The following SLC35F2 variants were observed in gnomAD, a reference collection of about 807,000 sequenced individuals.
SLC35F2 encodes the protein solute carrier family 35 member F2.
SLC35F2 carries 25 observed loss-of-function variants against 38.1 expected under a neutral mutation model. That is an observed-to-expected ratio of 0.66 (90% CI 0.48 to 0.92). The LOEUF is 0.92. Among genes scored for constraint, SLC35F2 ranks in the 40% least tolerant of loss-of-function variants. The probability of loss-of-function intolerance (pLI) is 0.00; values close to 1 mark genes in which losing one functional copy is unlikely to be tolerated. For synonymous variants in SLC35F2, 173 were observed against 181.7 expected, an observed-to-expected ratio of 0.95 and a Z score of 0.38; for missense variants, 409 against 452.9, an observed-to-expected ratio of 0.90 and a Z score of 0.88.
At position 107,823,164 on chromosome 11, in the gene SLC35F2, C is replaced by T. The variant is rs913540302; in HGVS notation, c.111-7199G>A. 3.0e-6 allele frequency: 3 copies of T among 985,186 alleles called. No individual in the cohort carries two copies. The African/African-American group carries it at 5.2e-5, about 17-fold the overall frequency. 61.0% of individuals were successfully genotyped at this position (985,186 alleles called of 1,614,324 possible). On this transcript the variant is annotated intron_variant, in intron 1 of 7. Coordinates refer to ENST00000525815, the MANE Select transcript of SLC35F2 (RefSeq NM_017515.5). Reference sequence around the variant, plus strand: ...GCCCAAACCAGTTGGATCAGATTCTCAGAGGGTAGATTCCAAGTATCAGCC... The same window carrying T: ...GCCCAAACCAGTTGGATCAGATTCTTAGAGGGTAGATTCCAAGTATCAGCC...
intron 2 of SLC35F2, 123 bp from the exon 3 acceptor site, chr11:107,811,917 T>G (rs1254746302): frequency 1.1e-6 from 1 of 913,742 alleles, no homozygotes; most frequent in African/African-American, 1.7e-5. Context: ...TCTTCTTCTT[T>G]TTGAGATAGG....
Position 107,791,576 on chromosome 11 carries a change from A to G in SLC35F2, c.*1039T>C, listed in dbSNP as rs893167710. On this transcript the variant is annotated 3_prime_UTR_variant, in exon 8 of 8. Transcript: ENST00000525815. ...GAATGAGTGATGGAGAAATGTTTTA[A>G]ACAAACAAACAAACAGGCCAGGCAC... 6.6e-6 allele frequency: 1 copy of G among 152,114 alleles called. No individual in the cohort carries two copies. The highest frequency in any genetic ancestry group is 1.5e-5 in the Non-Finnish European group (1 of 68,040). The allele number at this position is 152,114 out of a possible 1,614,324, so 9.4% of individuals were successfully genotyped here. A position where few individuals can be genotyped will look rare whatever the true frequency, so the allele number is the denominator to read the frequency against.
rs547193204 is a variant in SLC35F2 at position 107,792,715 on chromosome 11, G to C, written c.1025C>G (p.Pro342Arg). ...YCSTPTRTAE[P>R]AESSVPPVTS... ...GACTGGAGGCACGCTGCTTTCAGCCGGCTCGGCCGTGCGAGTAGGGGTGGA... is the reference window on the plus strand; with the variant it reads ...GACTGGAGGCACGCTGCTTTCAGCCCGCTCGGCCGTGCGAGTAGGGGTGGA... Residue 342 changes from proline (P) to arginine (R), a missense_variant, in exon 8 of 8, where the codon CCG becomes CGG. Physicochemically the swap from Pro to Arg is moderately radical, Grantham distance 103 (BLOSUM62 -2). Transcript: ENST00000525815. 1 of 1,613,922 alleles carries C rather than the reference G, an allele frequency of 6.2e-7. No individual in the cohort carries two copies. The highest frequency in any genetic ancestry group is 2.2e-5 in the East Asian group (1 of 44,846).
At chr11:107,851,463 CA>C (rs1177344945) in intron 1 of SLC35F2, among the ~76,000 whole-genome samples, 3 of 89,740 alleles carry the variant, frequency 3.3e-5, no homozygotes. Flanking sequence ...AACTCCGTCT[CA>C]AAAAAAATAA....
At chr11:107,798,257 G>A (rs1179209708) in intron 7 of SLC35F2, among the ~76,000 whole-genome samples, 3 of 152,166 alleles carry the variant, frequency 2.0e-5, no homozygotes, top group Non-Finnish European at 4.4e-5. Context: ...ACTCACCTCA[G>A]TCTCCCAAAG....
rs138134535 is a variant in SLC35F2, at chr11:107,797,788, AAAACCAATAATAATGTC to A, written c.940-5005_940-4989del. ...TGCTTCCTGGATTAAATGATAATGC[AAAACCAATAATAATGTC>A]AAGCTAAGCAGACAACTATAATTTC... On this transcript the variant is annotated intron_variant, in intron 7 of 7. Transcript: ENST00000525815. Among the ~76,000 whole-genome samples, 290 of 152,288 alleles carry A rather than the reference AAAACCAATAATAATGTC, an allele frequency of 1.9e-3. 5 individuals carry two copies. The East Asian group carries it at 0.044, about 23-fold the overall frequency.
chr11:107,848,231 G>A (rs966014075), intron 1 of SLC35F2, among the ~76,000 whole-genome samples: 8 of 151,894 alleles, frequency 5.3e-5, no homozygotes, highest in Admixed American at 4.6e-4. Flanking sequence ...CAATAAAAAA[G>A]AAAACTTAAA....
intron 5 of SLC35F2, chr11:107,804,975 G>T (rs1465208988): frequency 2.2e-6 from 2 of 897,120 alleles, no homozygotes; most frequent in South Asian, 5.1e-5. Flanking sequence ...CTCCCTTACA[G>T]GTGCTCTGAA....
At chr11:107,852,893 A>T (rs1159218940) in intron 1 of SLC35F2, among the ~76,000 whole-genome samples, 3 of 134,646 alleles carry the variant, frequency 2.2e-5, no homozygotes, top group Admixed American at 7.2e-5. Context: ...AAAAAAAAAA[A>T]TTTAGCCAGG....
chr11:107,855,372 G>A (rs1382450448), intron 1 of SLC35F2, among the ~76,000 whole-genome samples: 2 of 152,178 alleles, frequency 1.3e-5, no homozygotes, highest in East Asian at 3.8e-4. Context: ...CTTCGTCCAT[G>A]GCCAGGCGTG....
At chr11:107,812,142 G>C (rs749869556) in intron 2 of SLC35F2, among the ~76,000 whole-genome samples, 15 of 152,246 alleles carry the variant, frequency 9.9e-5, no homozygotes, top group Admixed American at 2.0e-4. Flanking sequence ...CTGAGCTCAA[G>C]TGATCTGCCT....
At chr11:107,799,866 GC>G (rs749060893) in intron 7 of SLC35F2, among the ~76,000 whole-genome samples, 58 of 144,266 alleles carry the variant, frequency 4.0e-4, no homozygotes, top group Non-Finnish European at 3.6e-4. Context: ...GCACACTTTG[GC>G]TTTTTTTTTG....
chr11:107,831,463 G>A (rs142014434), intron 1 of SLC35F2, among the ~76,000 whole-genome samples: 176 of 152,172 alleles, frequency 1.2e-3, no homozygotes, highest in African/African-American at 4.0e-3. Context: ...GGCCTCAGGC[G>A]ATCCTCATGC....
intron 1 of SLC35F2, among the ~76,000 whole-genome samples, chr11:107,831,393 A>T (rs1349193941): frequency 2.0e-5 from 3 of 152,184 alleles, no homozygotes; most frequent in Admixed American, 6.6e-5. Context: ...GCTAATTTTT[A>T]AAATTTTGGT....
chr11:107,838,751 C>T (rs1196288640), intron 1 of SLC35F2, among the ~76,000 whole-genome samples: 1 of 151,818 alleles, frequency 6.6e-6, no homozygotes, highest in Non-Finnish European at 1.5e-5. Flanking sequence ...GCCTCAGCCT[C>T]CCAAGTAGCT....
chr11:107,829,031 C>A (rs1859795400), intron 1 of SLC35F2, among the ~76,000 whole-genome samples: 1 of 151,296 alleles, frequency 6.6e-6, no homozygotes, highest in African/African-American at 2.4e-5. Flanking sequence ...TTGCTTGAAC[C>A]TGGCAGGAGG....
intron 7 of SLC35F2, among the ~76,000 whole-genome samples, chr11:107,798,240 G>C (rs11212379): frequency 0.065 from 9,913 of 152,176 alleles, 668 homozygotes; most frequent in African/African-American, 0.17. Flanking sequence ...CTGAACTAAA[G>C]TGACCCACTC....
chr11:107,803,992 A>ATT (rs71047624), intron 6 of SLC35F2, among the ~76,000 whole-genome samples: 58 of 135,812 alleles, frequency 4.3e-4, no homozygotes, highest in East Asian at 3.5e-3. Context: ...TGCCCGGATA[A>ATT]TTTTTTTTTT....
intron 1 of SLC35F2, among the ~76,000 whole-genome samples, chr11:107,834,149 G>A (rs1859893586): frequency 6.6e-6 from 1 of 152,186 alleles, no homozygotes; most frequent in Non-Finnish European, 1.5e-5. Flanking sequence ...AAGGGGATTG[G>A]GTAAGGAGCC....
Sources: allele counts gnomAD v4.1 joint callset (sites outside exome capture counted in the v4.1 genomes callset), GRCh38; gene constraint gnomAD v4.1.1; transcripts MANE v1.5; gene names NCBI Gene and HGNC (gene_info 2026-07-23, HGNC 2026-07-21).